The following CLCN4 variants were observed in gnomAD, a reference collection of about 807,000 sequenced individuals.
CLCN4 encodes the protein H(+)/Cl(-) exchange transporter 4.
A neutral mutation model predicts 41.7 loss-of-function variants in CLCN4; 1 was observed. The observed-to-expected ratio is 0.02, with a 90% CI of 0.01 to 0.11. The LOEUF is 0.11. Ranked by LOEUF, CLCN4 falls within the 10% of genes least tolerant of loss-of-function variation. CLCN4 has a pLI of 1.00. For synonymous variants in CLCN4, 277 were observed against 285.8 expected (o/e 0.97, Z 0.31); for missense variants, 287 against 661.0 (o/e 0.43, Z 6.20).
intron 2 of CLCN4, among the ~76,000 whole-genome samples, chrX:10,171,587 C>T (rs916064779): frequency 8.9e-6 from 1 of 111,894 alleles, no homozygotes; most frequent in African/African-American, 3.3e-5. Flanking sequence ...GGAAATGGTG[C>T]TCGCTGTGTC....
At chrX:10,229,165 G>T (rs1429421550) in intron 12 of CLCN4, among the ~76,000 whole-genome samples, 1 of 111,119 alleles carries the variant, frequency 9.0e-6, no homozygotes, top group Non-Finnish European at 1.9e-5. Flanking sequence ...CGCATGGGAG[G>T]GGGCCTCACT....
chrX:10,160,542 C>A (rs780899225), intron 2 of CLCN4, among the ~76,000 whole-genome samples: 34 of 111,432 alleles, frequency 3.1e-4, no homozygotes, highest in African/African-American at 7.5e-4. Flanking sequence ...CTGGGTTAGA[C>A]CTAACAGCTG....
At position 10,234,299 on chromosome X, in the gene CLCN4, C is replaced by T. The variant is rs937684456; in HGVS notation, c.*715C>T. 8.9e-6 allele frequency: 1 copy of T among 112,354 alleles called. No individual in the cohort carries two copies. Among genetic ancestry groups the T allele is most frequent in the Non-Finnish European group, 1.9e-5 (1 of 53,253 alleles). The allele number at this position is 112,354 out of a possible 1,213,427, so 9.3% of individuals were successfully genotyped here. On this transcript the variant is annotated 3_prime_UTR_variant, in exon 13 of 13. Transcript: ENST00000380833. The stretch of plus-strand genomic sequence containing the variant: ...GGGACTGCACGATGAACTATTGGAG[C>T]ATACAGTACTGCGGTGTGTCTCCTC...
At chrX:10,205,206 G>A (rs1432070104) in intron 6 of CLCN4, among the ~76,000 whole-genome samples, 2 of 111,555 alleles carry the variant, frequency 1.8e-5, no homozygotes, top group African/African-American at 3.3e-5. Context: ...AGTTGCGGTG[G>A]CTCATGCCTG....
At chrX:10,223,679 A>G (rs1924914088) in intron 12 of CLCN4, among the ~76,000 whole-genome samples, 1 of 111,932 alleles carries the variant, frequency 8.9e-6, no homozygotes, top group Non-Finnish European at 1.9e-5. Context: ...AAGGGGCATC[A>G]TAAAACTGGA....
At chrX:10,176,191 T>C (rs1384995520) in intron 2 of CLCN4, among the ~76,000 whole-genome samples, 5 of 111,874 alleles carry the variant, frequency 4.5e-5, no homozygotes, top group African/African-American at 1.6e-4. Flanking sequence ...TGTTGGGAGG[T>C]GAGGGCCGCA....
At chrX:10,162,900 A>C (rs2147156304) in intron 2 of CLCN4, among the ~76,000 whole-genome samples, 1 of 113,496 alleles carries the variant, frequency 8.8e-6, no homozygotes, top group Non-Finnish European at 1.9e-5. Flanking sequence ...AGAAAGAGAT[A>C]AAGCAGATAG....
In CLCN4 at chrX:10,220,719, G is replaced by A; in HGVS notation, c.2034G>A (p.Glu678=). 8.3e-7 allele frequency: 1 copy of A among 1,211,532 alleles called. No individual in the cohort carries two copies. Among genetic ancestry groups the A allele is most frequent in the Non-Finnish European group, 1.1e-6 (1 of 895,422 alleles). The part of the protein sequence containing the change: ...IVSNSIMYFT[E]EPPELPANSP... ...GCAATTCCATCATGTACTTCACGGA[G>A]GAACCCCCCGAGCTGCCGGCCAACA... The change falls in exon 12 of 13, where the codon GAG becomes GAA. Residue 678 remains glutamate (E), a synonymous_variant. Transcript: ENST00000380833.
At chrX:10,168,124 T>C (rs1602137951) in intron 2 of CLCN4, among the ~76,000 whole-genome samples, 1 of 112,232 alleles carries the variant, frequency 8.9e-6, no homozygotes, top group Non-Finnish European at 1.9e-5. Flanking sequence ...AGTTTGGATA[T>C]ATAGATTTTT....
intron 12 of CLCN4, among the ~76,000 whole-genome samples, chrX:10,232,309 C>T (rs1246877797): frequency 8.9e-6 from 1 of 112,535 alleles, no homozygotes; most frequent in Non-Finnish European, 1.9e-5. Flanking sequence ...GCTTAGAATA[C>T]TTACATCCCT....
At chrX:10,169,819 C>T (rs1194563309) in intron 2 of CLCN4, among the ~76,000 whole-genome samples, 2 of 94,459 alleles carry the variant, frequency 2.1e-5, no homozygotes, top group South Asian at 5.3e-4. Context: ...GATAGAGTCT[C>T]GCTCTGTTGT....
rs772313795 is a variant in CLCN4, at chrX:10,222,082, C to T, written c.2192+1205C>T. Among the ~76,000 whole-genome samples, 8 of 112,865 alleles carry T rather than the reference C, an allele frequency of 7.1e-5. No homozygotes were observed. The South Asian group carries it at 2.5e-3, about 36-fold the overall frequency. ...AATTTGTTTGAAACAACTTTGTTTT[C>T]GAAACAAACATGATTGGAGAATGGA... On this transcript the variant is annotated intron_variant, in intron 12 of 12. Transcript: ENST00000380833.
rs778895581 is a variant in CLCN4, at chrX:10,165,279, C to T, written c.-12+6728C>T. On this transcript the variant is annotated intron_variant, in intron 2 of 12. Coordinates refer to ENST00000380833, the MANE Select transcript of CLCN4 (RefSeq NM_001830.4). ...GCTGGGTTGAAAGTAGATGTGAGAC[C>T]GGAGCCTTCCTCACAGAGGGGACTT... Among the ~76,000 whole-genome samples, 18 of 112,778 alleles carry T rather than the reference C, an allele frequency of 1.6e-4. No individual in the cohort carries two copies. In the South Asian group the frequency reaches 2.2e-3, roughly 14 times the overall value.
At chrX:10,195,247 C>T (rs1416759698) in intron 5 of CLCN4, 149 bp downstream of exon 5, 1 of 515,921 alleles carries the variant, frequency 1.9e-6, no homozygotes, top group African/African-American at 2.4e-5. Flanking sequence ...CGGGCTTTTT[C>T]CAGCTCTAAT....
chrX:10,222,417 C>G (rs752700564), intron 12 of CLCN4, among the ~76,000 whole-genome samples: 4 of 111,363 alleles, frequency 3.6e-5, no homozygotes, highest in Non-Finnish European at 7.5e-5. Context: ...AAAGTTTAGG[C>G]CTTTATAGAC....
At chrX:10,220,452 G>A (rs867109467) in intron 11 of CLCN4, among the ~76,000 whole-genome samples, 1 of 111,717 alleles carries the variant, frequency 9.0e-6, no homozygotes, top group Non-Finnish European at 1.9e-5. Flanking sequence ...CAAATGATCC[G>A]GTCACAGCAG....
rs1156843781 is a variant in CLCN4 at position 10,206,513 on chromosome X, C to T, written c.711C>T (p.Phe237=). Residue 237 remains phenylalanine (F), a synonymous_variant, in exon 7 of 13, where the codon TTC becomes TTT. Coordinates refer to ENST00000380833, the MANE Select transcript of CLCN4 (RefSeq NM_001830.4). The part of the protein sequence containing the change: ...LVHVACCCGN[F]FSSLFSKYSK... ...ACGTGGCTTGTTGCTGTGGCAACTT[C>T]TTCAGCAGCCTTTTCTCCAAGTACA... 1.5e-5 allele frequency: 18 copies of T among 1,208,873 alleles called. No homozygotes were observed. Among genetic ancestry groups the T allele is most frequent in the Non-Finnish European group, 1.9e-5 (17 of 894,571 alleles).
At chrX:10,185,862 G>C (rs1044112057) in intron 3 of CLCN4, among the ~76,000 whole-genome samples, 1 of 111,598 alleles carries the variant, frequency 9.0e-6, no homozygotes. Context: ...CCATGCTGGC[G>C]GTGGAGAGGA....
At chrX:10,230,592 G>A (rs1925103440) in intron 12 of CLCN4, among the ~76,000 whole-genome samples, 1 of 112,176 alleles carries the variant, frequency 8.9e-6, no homozygotes, top group African/African-American at 3.2e-5. Context: ...CCTTGAATCT[G>A]TCAACTGTGT....
Sources: allele counts gnomAD v4.1 joint callset (sites outside exome capture counted in the v4.1 genomes callset), GRCh38; gene constraint gnomAD v4.1.1; transcripts MANE v1.5; gene names NCBI Gene and HGNC (gene_info 2026-07-23, HGNC 2026-07-21).